Variants in ANKHD1 observed in about 807,000 individuals in gnomAD.
The protein encoded by ANKHD1 is ankyrin repeat and KH domain-containing protein 1.
Under a neutral mutation model 230.5 loss-of-function variants are expected in ANKHD1, and 31 were observed. That is an observed-to-expected ratio of 0.13 (90% CI 0.10 to 0.18). The LOEUF (loss-of-function observed/expected upper bound fraction) is 0.18, where lower values mean the gene tolerates loss of function less well. Ranked by LOEUF, ANKHD1 falls within the 10% of genes least tolerant of loss-of-function variation. The pLI, the probability that ANKHD1 is intolerant of heterozygous loss-of-function variation, is 1.00. For synonymous variants in ANKHD1, 1,074 were observed against 1,117.6 expected (o/e 0.96, Z 0.78); for missense variants, 2,256 against 3,071.3 (o/e 0.73, Z 6.27).
chr5:140,446,413 T>C (rs180897897), intron 6 of ANKHD1, among the ~76,000 whole-genome samples: 114 of 152,282 alleles, frequency 7.5e-4, no homozygotes, highest in African/African-American at 2.7e-3. Context: ...CAGGCTGGAG[T>C]GCAGTGGCGC....
intron 24 of ANKHD1, among the ~76,000 whole-genome samples, chr5:140,521,100 C>G (rs1373229478): frequency 6.6e-6 from 1 of 151,898 alleles, no homozygotes; most frequent in East Asian, 1.9e-4. Context: ...ATGTCATGAT[C>G]AAGTAGAGTT....
At chr5:140,472,164 C>A in intron 10 of ANKHD1, 1 of 1,287,206 alleles carries the variant, frequency 7.8e-7, no homozygotes, top group South Asian at 1.2e-5. Flanking sequence ...AAGTATCGGT[C>A]ACAAGGTCTT....
At chr5:140,436,409 C>T in intron 2 of ANKHD1, 152 bp downstream of exon 2, 1 of 1,129,382 alleles carries the variant, frequency 8.9e-7, no homozygotes, top group Non-Finnish European at 1.2e-6. Context: ...AAAATGTTCA[C>T]ATTTTGTATT....
At chr5:140,478,614 T>C (rs1390870462) in intron 10 of ANKHD1, among the ~76,000 whole-genome samples, 2 of 152,160 alleles carry the variant, frequency 1.3e-5, no homozygotes, top group Non-Finnish European at 2.9e-5. Context: ...TATGGGTGAA[T>C]TTTACCAAAT....
intron 2 of ANKHD1, among the ~76,000 whole-genome samples, chr5:140,436,719 C>G (rs151088487): frequency 0.013 from 1,933 of 150,654 alleles, 48 homozygotes; most frequent in African/African-American, 0.046. Context: ...GCACTCCATC[C>G]TGGGCAACAG....
intron 7 of ANKHD1, among the ~76,000 whole-genome samples, chr5:140,455,957 A>G (rs1304212648): frequency 6.6e-6 from 1 of 152,228 alleles, no homozygotes; most frequent in East Asian, 1.9e-4. Context: ...TTGTATATTT[A>G]GAAAACCCCA....
In ANKHD1 at chr5:140,529,669, C is replaced by T. The variant is rs1422662593; in HGVS notation, c.6723C>T (p.Ala2241=). The change falls in exon 29 of 34, where the codon GCC becomes GCT. Residue 2241 remains alanine (A), a synonymous_variant. Transcript: ENST00000360839. The stretch of plus-strand genomic sequence containing the variant: ...TGTCCTCACGAGTTGCTACAGATGC[C>T]TCTTTCACTGTTCAGTCAGCGTTCC... ...GPLSSRVATD[A]SFTVQSAFLG... 1.9e-6 allele frequency: 3 copies of T among 1,614,198 alleles called. No individual in the cohort carries two copies. The highest frequency in any genetic ancestry group is 2.2e-5 in the East Asian group (1 of 44,888).
intron 2 of ANKHD1, among the ~76,000 whole-genome samples, chr5:140,437,647 A>G (rs543409405): frequency 2.3e-4 from 35 of 152,348 alleles, no homozygotes; most frequent in African/African-American, 8.4e-4. Flanking sequence ...CGGAGGTTGC[A>G]GTGAGTTGGG....
chr5:140,402,174 C>G lies in ANKHD1; in HGVS notation c.207C>G (p.Gly69=), dbSNP rs774918744. The G allele has an allele frequency of 6.6e-7, 1 of 1,524,830 alleles. No homozygotes were observed. The highest frequency in any genetic ancestry group is 2.5e-5 in the East Asian group (1 of 39,950). The allele number at this position is 1,524,830 out of a possible 1,614,324, so 94.5% of individuals were successfully genotyped here. A position where few individuals can be genotyped will look rare whatever the true frequency, so the allele number is the denominator to read the frequency against. The change falls in exon 1 of 34, where the codon GGC becomes GGG. Residue 69 remains glycine (G), a synonymous_variant. Transcript: ENST00000360839. ...GCGGCGGCAGCGGCAGCGGTACGGGCGGAGGGGACGCGGCGCTGGATTTCA... is the reference window on the plus strand; with the variant it reads ...GCGGCGGCAGCGGCAGCGGTACGGGGGGAGGGGACGCGGCGCTGGATTTCA... The part of the protein sequence containing the change: ...SGGGGSGSGT[G]GGDAALDFKL...
chr5:140,523,094 T>A (rs1488365492), intron 24 of ANKHD1, among the ~76,000 whole-genome samples: 2 of 150,530 alleles, frequency 1.3e-5, no homozygotes, highest in African/African-American at 4.9e-5. Context: ...TTTTAATTAA[T>A]TTTTTTCTTT....
chr5:140,416,645 T>C (rs543328912), intron 1 of ANKHD1, among the ~76,000 whole-genome samples: 3 of 152,206 alleles, frequency 2.0e-5, no homozygotes, highest in African/African-American at 7.2e-5. Flanking sequence ...AATTTGTTCT[T>C]TTTTTTAATT....
chr5:140,420,913 A>G (rs1771922048), intron 1 of ANKHD1, among the ~76,000 whole-genome samples: 2 of 152,190 alleles, frequency 1.3e-5, no homozygotes, highest in South Asian at 4.1e-4. Context: ...TAATAGACAA[A>G]TGATTCAACC....
chr5:140,525,581 T>A (rs1416746888), intron 25 of ANKHD1, among the ~76,000 whole-genome samples: 1 of 152,166 alleles, frequency 6.6e-6, no homozygotes, highest in African/African-American at 2.4e-5. Context: ...AAAAGATTTC[T>A]TTATTTCAGC....
intron 14 of ANKHD1, among the ~76,000 whole-genome samples, chr5:140,489,048 G>C (rs1442273035): frequency 3.9e-5 from 6 of 152,088 alleles, no homozygotes; most frequent in Admixed American, 3.9e-4. Context: ...AAGTTAGCCA[G>C]GAGTGGTGGC....
Position 140,496,759 on chromosome 5 carries a change from C to CAGA in ANKHD1, c.2496_2498dup (p.Lys833dup), listed in dbSNP as rs774858102. ...TAAAAAGAACAGAGAAGAGCAAGTC[C>CAGA]AGAAGAAGAAGAAAATATTGAAAGA... On this transcript the variant is annotated inframe_insertion, in exon 15 of 34. Transcript: ENST00000360839. The CAGA allele has an allele frequency of 3.1e-6, 5 of 1,613,598 alleles. No individual in the cohort carries two copies. The highest frequency in any genetic ancestry group is 1.1e-5 in the South Asian group (1 of 91,064).
intron 10 of ANKHD1, chr5:140,465,004 T>C: frequency 3.8e-6 from 1 of 265,518 alleles, no homozygotes; most frequent in Non-Finnish European, 7.0e-6. Context: ...GTTTGTTTCT[T>C]CCTTTCACTC....
intron 9 of ANKHD1, among the ~76,000 whole-genome samples, chr5:140,459,713 A>G (rs1775565154): frequency 6.6e-6 from 1 of 152,184 alleles, no homozygotes; most frequent in Admixed American, 6.5e-5. Context: ...ATATACATAT[A>G]TCATAACATC....
chr5:140,404,957 C>G (rs1408893832), intron 1 of ANKHD1, among the ~76,000 whole-genome samples: 2 of 135,714 alleles, frequency 1.5e-5, no homozygotes, highest in South Asian at 2.6e-4. Flanking sequence ...CTCTTTCTGA[C>G]TGTGCATGTC....
intron 9 of ANKHD1, among the ~76,000 whole-genome samples, chr5:140,463,766 C>T (rs958036840): frequency 1.3e-5 from 2 of 152,052 alleles, no homozygotes; most frequent in Admixed American, 6.6e-5. Flanking sequence ...AGCAATTCTC[C>T]CATCTCAGCC....
Sources: allele counts gnomAD v4.1 joint callset (sites outside exome capture counted in the v4.1 genomes callset), GRCh38; gene constraint gnomAD v4.1.1; transcripts MANE v1.5; gene names NCBI Gene and HGNC (gene_info 2026-07-23, HGNC 2026-07-21).